The following GABBR2 variants were observed in gnomAD, a reference collection of about 807,000 sequenced individuals.
GABBR2 encodes the protein gamma-aminobutyric acid type B receptor subunit 2.
Under a neutral mutation model 105.6 loss-of-function variants are expected in GABBR2, and 23 were observed. The ratio of observed to expected loss-of-function variants is 0.22; its 90% CI spans 0.16 to 0.31. GABBR2 has a LOEUF of 0.31. Among genes scored for constraint, GABBR2 ranks in the 10% least tolerant of loss-of-function variants. GABBR2 has a pLI of 1.00. For synonymous variants in GABBR2, 478 were observed against 499.7 expected, an observed-to-expected ratio of 0.96 and a Z score of 0.58; for missense variants, 734 against 1,245.5, an observed-to-expected ratio of 0.59 and a Z score of 6.18.
chr9:98,399,299 C>T (rs112483800), intron 8 of GABBR2, among the ~76,000 whole-genome samples: 4,114 of 147,918 alleles, frequency 0.028, 80 homozygotes, highest in Non-Finnish European at 0.046. Context: ...TTGCAGTGGG[C>T]TGAGATTGTG....
At chr9:98,309,727 G>A (rs921029690) in intron 14 of GABBR2, among the ~76,000 whole-genome samples, 1 of 152,158 alleles carries the variant, frequency 6.6e-6, no homozygotes, top group South Asian at 2.1e-4. Flanking sequence ...GGTACCTCCT[G>A]TGGACACCCC....
chr9:98,430,883 C>T (rs1825796626), intron 7 of GABBR2, among the ~76,000 whole-genome samples: 1 of 151,802 alleles, frequency 6.6e-6, no homozygotes, highest in South Asian at 2.1e-4. Context: ...TCACTGTCCT[C>T]TGCTGCTTGT....
intron 13 of GABBR2, among the ~76,000 whole-genome samples, chr9:98,312,049 CT>C (rs1830644831): frequency 6.6e-6 from 1 of 152,204 alleles, no homozygotes; most frequent in Admixed American, 6.5e-5. Flanking sequence ...CCCTTCACCC[CT>C]GAATATCCTA....
intron 1 of GABBR2, among the ~76,000 whole-genome samples, chr9:98,645,847 G>A (rs1395837541): frequency 6.6e-6 from 1 of 152,230 alleles, no homozygotes; most frequent in African/African-American, 2.4e-5. Context: ...TAGGCACTAA[G>A]TGCTTTACAT....
chr9:98,533,434 C>T (rs1438810652), intron 3 of GABBR2, among the ~76,000 whole-genome samples: 1 of 152,166 alleles, frequency 6.6e-6, no homozygotes, highest in Non-Finnish European at 1.5e-5. Context: ...GCACCCCTTA[C>T]ACCTTCATCT....
intron 1 of GABBR2, among the ~76,000 whole-genome samples, chr9:98,663,657 T>TA (rs60374831): frequency 0.74 from 96,473 of 130,210 alleles, 35,567 homozygotes; most frequent in Middle Eastern, 0.85. Flanking sequence ...GCTGCCCCAC[T>TA]AAAAAAAAAA....
chr9:98,565,952 A>G (rs919657808), intron 2 of GABBR2, among the ~76,000 whole-genome samples: 2 of 152,178 alleles, frequency 1.3e-5, no homozygotes, highest in African/African-American at 4.8e-5. Context: ...CACCACATGC[A>G]CCCGTGTGTC....
At position 98,299,280 on chromosome 9, in the gene GABBR2, T is replaced by C. The variant is rs751698064; in HGVS notation, c.2486A>G (p.Asn829Ser). 5.0e-6 allele frequency: 8 copies of C among 1,614,078 alleles called. No individual in the cohort carries two copies. In the South Asian group the frequency reaches 7.7e-5, roughly 16 times the overall value. ...GATGTCATTGAGCTCTTGGTAGTGG[T>C]TCTGTTTAATGTAGGTGGTCTTTTC... is the stretch of plus-strand genomic sequence containing the variant. ...TPEKTTYIKQNHYQELNDILN... is the reference protein window; with the variant it reads ...TPEKTTYIKQSHYQELNDILN... Residue 829 changes from asparagine to serine, a missense_variant, in exon 17 of 19, where the codon AAC (asparagine) becomes AGC (serine). This residue lies in a region of GABBR2 where 134 missense variants were observed against 171.2 expected (regional missense o/e 0.78). Coordinates refer to ENST00000259455, the MANE Select transcript of GABBR2 (RefSeq NM_005458.8).
At chr9:98,389,739 C>A (rs1427144983) in intron 9 of GABBR2, among the ~76,000 whole-genome samples, 1 of 152,152 alleles carries the variant, frequency 6.6e-6, no homozygotes, top group Non-Finnish European at 1.5e-5. Context: ...ATCTTTCAGT[C>A]CTGTTTTAGT....
At chr9:98,422,400 T>C (rs1483875263) in intron 7 of GABBR2, among the ~76,000 whole-genome samples, 2 of 152,146 alleles carry the variant, frequency 1.3e-5, no homozygotes, top group Admixed American at 6.5e-5. Flanking sequence ...CTTAGTCGAA[T>C]TAAGTGTCCA....
At chr9:98,621,823 C>A (rs142077341) in intron 1 of GABBR2, among the ~76,000 whole-genome samples, 186 of 152,284 alleles carry the variant, frequency 1.2e-3, no homozygotes, top group Non-Finnish European at 2.1e-3. Context: ...CTACAGATAT[C>A]CGGTGCTGAA....
At chr9:98,509,157 A>G (rs932660312) in intron 3 of GABBR2, among the ~76,000 whole-genome samples, 8 of 152,236 alleles carry the variant, frequency 5.3e-5, no homozygotes, top group Non-Finnish European at 1.0e-4. Context: ...CCAGGCAAAC[A>G]GGATCTGGAG....
intron 13 of GABBR2, among the ~76,000 whole-genome samples, chr9:98,361,913 C>T (rs558331032): frequency 2.0e-4 from 30 of 152,366 alleles, no homozygotes; most frequent in African/African-American, 7.2e-4. Context: ...ATAAAAGGCT[C>T]TGCCCTCAGT....
intron 6 of GABBR2, among the ~76,000 whole-genome samples, chr9:98,457,019 TG>T (rs1826335944): frequency 6.6e-6 from 1 of 152,248 alleles, no homozygotes; most frequent in Admixed American, 6.5e-5. Context: ...GTATTTTCTT[TG>T]ATTTTTTAAA....
At chr9:98,448,380 G>A (rs554350069) in intron 7 of GABBR2, among the ~76,000 whole-genome samples, 1 of 152,118 alleles carries the variant, frequency 6.6e-6, no homozygotes, top group East Asian at 1.9e-4. Flanking sequence ...AGGAACTCCT[G>A]GAAAAGCATG....
chr9:98,292,861 G>C (rs994513003), intron 18 of GABBR2, among the ~76,000 whole-genome samples: 1 of 152,126 alleles, frequency 6.6e-6, no homozygotes, highest in Admixed American at 6.5e-5. Flanking sequence ...TCGGTGCAGG[G>C]GACACATGAA....
At chr9:98,618,755 A>G (rs1829627793) in intron 1 of GABBR2, among the ~76,000 whole-genome samples, 1 of 152,130 alleles carries the variant, frequency 6.6e-6, no homozygotes, top group Non-Finnish European at 1.5e-5. Flanking sequence ...AGCCTTTGCT[A>G]AGTGCTCCTC....
At chr9:98,618,486 ATCTC>A (rs10611275) in intron 1 of GABBR2, among the ~76,000 whole-genome samples, 28,006 of 144,924 alleles carry the variant, frequency 0.19, 2,909 homozygotes, top group Non-Finnish European at 0.24. Flanking sequence ...GGTCTGCTGC[ATCTC>A]TCTCTCTCTC....
intron 4 of GABBR2, among the ~76,000 whole-genome samples, chr9:98,487,961 G>A (rs576987957): frequency 6.6e-6 from 1 of 152,252 alleles, no homozygotes; most frequent in South Asian, 2.1e-4. Context: ...GTCCTTAAAT[G>A]TATTCATGTA....
Sources: allele counts gnomAD v4.1 joint callset (sites outside exome capture counted in the v4.1 genomes callset), GRCh38; gene constraint gnomAD v4.1.1; regional missense constraint gnomAD v4.1.1; transcripts MANE v1.5; gene names NCBI Gene and HGNC (gene_info 2026-07-23, HGNC 2026-07-21).